ATRX: variants seen among roughly 807,000 people sequenced by gnomAD.
The protein encoded by ATRX is chromatin remodeler ATRX.
In ATRX, 12 loss-of-function variants were observed where a neutral mutation model predicts 172.6. That is an observed-to-expected ratio of 0.07 (90% confidence interval 0.04 to 0.11). ATRX has a LOEUF of 0.11. Among genes scored for constraint, ATRX ranks in the 10% least tolerant of loss-of-function variants. The probability of loss-of-function intolerance (pLI) is 1.00; values close to 1 mark genes in which losing one functional copy is unlikely to be tolerated. For missense variants in ATRX, 1,368 were observed against 1,767.4 expected, an observed-to-expected ratio of 0.77 and a Z score of 4.05; for synonymous variants, 674 against 594.7, an observed-to-expected ratio of 1.13 and a Z score of -1.94.
chrX:77,704,581 T>G, intron 2 of ATRX, among the ~76,000 whole-genome samples: 1 of 111,877 alleles, frequency 8.9e-6, no homozygotes, highest in East Asian at 2.8e-4. Context: ...AGGCTGTAGA[T>G]GCAAGGGGGC....
chrX:77,692,832 T>C (rs1418735118), intron 6 of ATRX, among the ~76,000 whole-genome samples: 1 of 102,694 alleles, frequency 9.7e-6, no homozygotes, highest in Non-Finnish European at 2.0e-5. Context: ...TTATAGATGG[T>C]TAGCCAATAT....
At chrX:77,701,935 G>A (rs782155255) in intron 2 of ATRX, among the ~76,000 whole-genome samples, 281 of 108,369 alleles carry the variant, frequency 2.6e-3, no homozygotes, top group Non-Finnish European at 4.0e-3. Context: ...GTGTGGTGGC[G>A]CATCCCTGTA....
At chrX:77,768,347 T>G (rs1308425050) in intron 1 of ATRX, among the ~76,000 whole-genome samples, 4 of 111,945 alleles carry the variant, frequency 3.6e-5, no homozygotes, top group Admixed American at 1.9e-4. Flanking sequence ...TTACCTTATG[T>G]TTCCTGCATT....
Position 77,615,923 on chromosome X carries a change from T to A in ATRX, c.5566+690A>T, listed in dbSNP as rs2067337125. On this transcript the variant is annotated intron_variant, in intron 22 of 34. Coordinates refer to ENST00000373344, the MANE Select transcript of ATRX (RefSeq NM_000489.6). ...TATCATTTGGGGAAAGGTACCAGAA[T>A]AAGTGATCAACAAGTAAGAAATCTC... is the stretch of plus-strand genomic sequence containing the variant. 15 of 738,421 alleles carry A rather than the reference T, an allele frequency of 2.0e-5. No individual in the cohort carries two copies. In the South Asian group the frequency reaches 9.8e-4, roughly 48 times the overall value. The allele number at this position is 738,421 out of a possible 1,213,427, so 60.9% of individuals were successfully genotyped here. A position where few individuals can be genotyped will look rare whatever the true frequency, so the allele number is the denominator to read the frequency against.
intron 28 of ATRX, 129 bp from the exon 29 acceptor site, chrX:77,558,975 A>G (rs781951657): frequency 1.9e-6 from 1 of 515,195 alleles, no homozygotes; most frequent in Admixed American, 3.7e-5. Context: ...TTTCTTACTT[A>G]CTGAAGAAAA....
intron 1 of ATRX, among the ~76,000 whole-genome samples, chrX:77,729,750 C>T (rs2074218569): frequency 9.0e-6 from 1 of 111,008 alleles, no homozygotes; most frequent in Non-Finnish European, 1.9e-5. Context: ...GCCTGGGCAA[C>T]ATGGTGAAAT....
intron 1 of ATRX, among the ~76,000 whole-genome samples, chrX:77,766,677 G>T (rs782062620): frequency 9.4e-6 from 1 of 106,432 alleles, no homozygotes; most frequent in East Asian, 3.0e-4. Context: ...GCCGGGAAAA[G>T]GCGCTCCTCA....
rs1557150091 is a variant in ATRX, at chrX:77,696,713, G to T, written c.243-9C>A. 1 of 1,186,079 alleles carries T rather than the reference G, an allele frequency of 8.4e-7. No homozygotes were observed. Among genetic ancestry groups the T allele is most frequent in the South Asian group, 1.8e-5 (1 of 55,886 alleles). On this transcript the variant is annotated splice_polypyrimidine_tract_variant and intron_variant, in intron 4 of 34. Transcript: ENST00000373344. The stretch of plus-strand genomic sequence containing the variant: ...TTACAATTGAAGGTTTCCTATGAAA[G>T]AATTAAGTTCATAGAATTATGAATG...
At chrX:77,695,648 T>A (rs1247610728) in intron 5 of ATRX, among the ~76,000 whole-genome samples, 2 of 111,497 alleles carry the variant, frequency 1.8e-5, no homozygotes, top group African/African-American at 6.5e-5. Flanking sequence ...AAGTAAGCGG[T>A]AGGCCCCTAT....
intron 1 of ATRX, among the ~76,000 whole-genome samples, chrX:77,750,375 CAA>C (rs1557186941): frequency 9.0e-6 from 1 of 111,036 alleles, no homozygotes; most frequent in Non-Finnish European, 1.9e-5. Flanking sequence ...ATGCCCGGGG[CAA>C]AAGATACACA....
chrX:77,597,841 G>T (rs1039005943), intron 25 of ATRX, among the ~76,000 whole-genome samples: 22 of 112,249 alleles, frequency 2.0e-4, no homozygotes, highest in Non-Finnish European at 3.6e-4. Flanking sequence ...ATGTTGGTGG[G>T]ATTGTAAATT....
chrX:77,753,975 G>C (rs1343822597), intron 1 of ATRX, among the ~76,000 whole-genome samples: 1 of 111,668 alleles, frequency 9.0e-6, no homozygotes. Flanking sequence ...GGGAATCTAA[G>C]TCTCTTTGTA....
intron 1 of ATRX, among the ~76,000 whole-genome samples, chrX:77,730,364 G>A (rs1008739088): frequency 6.3e-5 from 7 of 111,892 alleles, no homozygotes; most frequent in Non-Finnish European, 1.3e-4. Flanking sequence ...GAGCAAAAGG[G>A]AGAGACAGGC....
At chrX:77,751,862 T>C (rs925233517) in intron 1 of ATRX, among the ~76,000 whole-genome samples, 7 of 111,654 alleles carry the variant, frequency 6.3e-5, no homozygotes, top group Admixed American at 2.9e-4. Context: ...TCGGTTCTGT[T>C]CCATTGTTCT....
intron 34 of ATRX, among the ~76,000 whole-genome samples, chrX:77,510,947 A>G (rs782647936): frequency 1.8e-5 from 2 of 112,670 alleles, no homozygotes; most frequent in Non-Finnish European, 3.8e-5. Flanking sequence ...TTGAGCAAAC[A>G]AAGGCGGAGG....
chrX:77,740,111 G>A (rs948614574), intron 1 of ATRX, among the ~76,000 whole-genome samples: 4 of 104,413 alleles, frequency 3.8e-5, no homozygotes, highest in African/African-American at 1.4e-4. Flanking sequence ...AACTCACCAG[G>A]CAGCTATAAT....
chrX:77,707,802 A>G (rs182381524), intron 2 of ATRX, among the ~76,000 whole-genome samples: 165 of 111,817 alleles, frequency 1.5e-3, no homozygotes, highest in Non-Finnish European at 2.4e-3. Flanking sequence ...GAATATATAC[A>G]AACTACAAAT....
intron 1 of ATRX, among the ~76,000 whole-genome samples, chrX:77,753,839 A>T (rs1055136590): frequency 9.0e-6 from 1 of 111,677 alleles, no homozygotes; most frequent in Non-Finnish European, 1.9e-5. Flanking sequence ...AGAGTTCTGT[A>T]GGTTACTATT....
At chrX:77,758,251 G>A (rs1255383572) in intron 1 of ATRX, among the ~76,000 whole-genome samples, 1 of 106,832 alleles carries the variant, frequency 9.4e-6, no homozygotes, top group Non-Finnish European at 1.9e-5. Context: ...TTAGGCAGGT[G>A]TGGTGGCGGG....
Sources: allele counts gnomAD v4.1 joint callset (sites outside exome capture counted in the v4.1 genomes callset), GRCh38; gene constraint gnomAD v4.1.1; transcripts MANE v1.5; gene names NCBI Gene and HGNC (gene_info 2026-07-23, HGNC 2026-07-21).